Variants in PPARGC1A observed in about 807,000 individuals in gnomAD.
PPARGC1A encodes the protein PPARG coactivator 1 alpha, also known as peroxisome proliferator-activated receptor gamma coactivator 1-alpha.
A neutral mutation model predicts 88.7 loss-of-function variants in PPARGC1A; 25 were observed. The ratio of observed to expected loss-of-function variants is 0.28; its 90% CI spans 0.21 to 0.39. The LOEUF (loss-of-function observed/expected upper bound fraction) is 0.39, where lower values mean the gene tolerates loss of function less well. Ranked by LOEUF, PPARGC1A falls within the 10% of genes least tolerant of loss-of-function variation. PPARGC1A has a pLI of 1.00. For synonymous variants in PPARGC1A, 363 were observed against 355.6 expected (o/e 1.02, Z -0.24); for missense variants, 880 against 968.7 (o/e 0.91, Z 1.22).
At chr4:24,020,343 C>G in the PPARGC1A span, among the ~76,000 whole-genome samples, 1 of 152,054 alleles carries the variant, frequency 6.6e-6, no homozygotes, top group South Asian at 2.1e-4. Flanking sequence ...TTATATTGAT[C>G]CTCATTTTGG....
At chr4:23,939,918 A>G in the PPARGC1A span, among the ~76,000 whole-genome samples, 2 of 152,186 alleles carry the variant, frequency 1.3e-5, no homozygotes, top group African/African-American at 4.8e-5. Flanking sequence ...CCACAAGGAA[A>G]AAAGGTCACT....
At chr4:24,238,309 T>C in the PPARGC1A span, among the ~76,000 whole-genome samples, 6 of 152,302 alleles carry the variant, frequency 3.9e-5, no homozygotes, top group East Asian at 1.2e-3. Context: ...TATTTTACAA[T>C]AAATAAAATA....
At chr4:24,405,575 C>T in the PPARGC1A span, among the ~76,000 whole-genome samples, 10 of 152,146 alleles carry the variant, frequency 6.6e-5, no homozygotes, top group Non-Finnish European at 1.5e-4. Context: ...TCCCATGGTG[C>T]TCCACGCCTG....
the PPARGC1A span, among the ~76,000 whole-genome samples, chr4:24,054,954 ATG>A: frequency 6.6e-6 from 1 of 152,224 alleles, no homozygotes; most frequent in African/African-American, 2.4e-5. Context: ...AATGCTTCAT[ATG>A]TGTTATTACA....
the PPARGC1A span, among the ~76,000 whole-genome samples, chr4:24,043,860 T>C: frequency 6.6e-6 from 1 of 152,178 alleles, no homozygotes. Context: ...TTTGTTTATT[T>C]TTTTTGTCCT....
chr4:23,844,032 A>C (rs1023319725), intron 2 of PPARGC1A, among the ~76,000 whole-genome samples: 1 of 151,410 alleles, frequency 6.6e-6, no homozygotes, highest in African/African-American at 2.4e-5. Context: ...ATATATCTTT[A>C]TTTACACATA....
chr4:24,355,581 T>C, the PPARGC1A span, among the ~76,000 whole-genome samples: 2 of 152,152 alleles, frequency 1.3e-5, no homozygotes, highest in African/African-American at 4.8e-5. Context: ...AGCTTACCAC[T>C]TTCTAACGCT....
the PPARGC1A span, among the ~76,000 whole-genome samples, chr4:24,016,876 G>A: frequency 1.3e-5 from 2 of 152,074 alleles, no homozygotes; most frequent in African/African-American, 4.8e-5. Context: ...AGCAATTCTC[G>A]TATTAACATT....
the PPARGC1A span, among the ~76,000 whole-genome samples, chr4:24,180,627 C>A: frequency 3.9e-5 from 6 of 152,278 alleles, 1 homozygote; most frequent in African/African-American, 1.4e-4. Flanking sequence ...GGCCCATAGG[C>A]AGCTACTATT....
chr4:24,269,928 T>G, the PPARGC1A span, among the ~76,000 whole-genome samples: 1 of 152,308 alleles, frequency 6.6e-6, no homozygotes, highest in East Asian at 1.9e-4. Context: ...ATAATACATG[T>G]AATAATTAAT....
the PPARGC1A span, among the ~76,000 whole-genome samples, chr4:23,941,127 T>C: frequency 3.3e-5 from 5 of 152,172 alleles, no homozygotes; most frequent in Non-Finnish European, 5.9e-5. Flanking sequence ...CATAGCTCAC[T>C]GTATCCCCCA....
the PPARGC1A span, among the ~76,000 whole-genome samples, chr4:23,924,959 G>A: frequency 6.6e-6 from 1 of 152,134 alleles, no homozygotes; most frequent in Non-Finnish European, 1.5e-5. Flanking sequence ...GAATATGTCA[G>A]CTTCAAGCAA....
At chr4:24,320,275 A>G in the PPARGC1A span, among the ~76,000 whole-genome samples, 1 of 152,204 alleles carries the variant, frequency 6.6e-6, no homozygotes, top group Non-Finnish European at 1.5e-5. Flanking sequence ...TTCACATCAC[A>G]AGAAGGAAGA....
chr4:24,040,776 C>T, the PPARGC1A span, among the ~76,000 whole-genome samples: 17 of 152,256 alleles, frequency 1.1e-4, no homozygotes, highest in Admixed American at 8.5e-4. Flanking sequence ...TTCCTCCTTG[C>T]TTTTCTAACA....
rs574971434 is a variant in PPARGC1A, at chr4:23,884,670, T to C, written c.234+82A>G. On this transcript the variant is annotated intron_variant, in intron 2 of 12. Transcript: ENST00000264867. ...TGATGATAGCAAAGTAAGAACTCATTATGCATTCAGGTCTATTACCATGTT... is the reference window on the plus strand; with the variant it reads ...TGATGATAGCAAAGTAAGAACTCATCATGCATTCAGGTCTATTACCATGTT... 15 of 1,213,086 alleles carry C rather than the reference T, an allele frequency of 1.2e-5. No homozygotes were observed. In the South Asian group the frequency reaches 2.9e-4, roughly 24 times the overall value. The allele number at this position is 1,213,086 out of a possible 1,614,324, so 75.1% of individuals were successfully genotyped here.
chr4:24,251,101 T>C, the PPARGC1A span, among the ~76,000 whole-genome samples: 1 of 152,248 alleles, frequency 6.6e-6, no homozygotes, highest in South Asian at 2.1e-4. Flanking sequence ...TCTGTAAAAA[T>C]CATTGTTTTC....
At chr4:24,213,838 A>G in the PPARGC1A span, among the ~76,000 whole-genome samples, 1 of 152,230 alleles carries the variant, frequency 6.6e-6, no homozygotes, top group Non-Finnish European at 1.5e-5. Flanking sequence ...AATTTAGGAA[A>G]TTGAAATTAT....
At chr4:24,415,738 T>C in the PPARGC1A span, among the ~76,000 whole-genome samples, 1 of 152,214 alleles carries the variant, frequency 6.6e-6, no homozygotes, top group East Asian at 1.9e-4. Flanking sequence ...TCAGAGATGT[T>C]CGTCGTAATT....
At chr4:23,851,680 TA>T (rs578101416) in intron 2 of PPARGC1A, among the ~76,000 whole-genome samples, 1 of 152,330 alleles carries the variant, frequency 6.6e-6, no homozygotes, top group East Asian at 1.9e-4. Context: ...AACGCATTAC[TA>T]AATATATCAA....
Sources: allele counts gnomAD v4.1 joint callset (sites outside exome capture counted in the v4.1 genomes callset), GRCh38; gene constraint gnomAD v4.1.1; transcripts MANE v1.5; gene names NCBI Gene and HGNC (gene_info 2026-07-23, HGNC 2026-07-21).